The following TMPRSS11A variants were observed in gnomAD, a reference collection of about 807,000 sequenced individuals.
The protein encoded by TMPRSS11A is transmembrane serine protease 11A, also known as transmembrane protease serine 11A.
TMPRSS11A carries 53 observed loss-of-function variants against 58.9 expected under a neutral mutation model. That is an observed-to-expected ratio of 0.90 (90% CI 0.72 to 1.13). The LOEUF is 1.13. Among genes scored for constraint, TMPRSS11A ranks in the 50% most tolerant of loss-of-function variants. The pLI, the probability that TMPRSS11A is intolerant of heterozygous loss-of-function variation, is 0.00. For missense variants in TMPRSS11A, 493 were observed against 499.3 expected, an observed-to-expected ratio of 0.99 and a Z score of 0.12; for synonymous variants, 167 against 169.8, an observed-to-expected ratio of 0.98 and a Z score of 0.13.
chr4:67,934,214 A>G (rs1450295894), intron 3 of TMPRSS11A, among the ~76,000 whole-genome samples: 1 of 152,196 alleles, frequency 6.6e-6, no homozygotes, highest in African/African-American at 2.4e-5. Flanking sequence ...TCTGAGGACA[A>G]CGCTTTGAGA....
chr4:67,911,727 T>C (rs975063407), intron 9 of TMPRSS11A, among the ~76,000 whole-genome samples: 3 of 152,112 alleles, frequency 2.0e-5, no homozygotes, highest in Non-Finnish European at 4.4e-5. Flanking sequence ...AAACAGCACT[T>C]AGTTAAAAAA....
rs1719975875 is a variant in TMPRSS11A, at chr4:67,911,384, C to CA, written c.1214dup (p.Thr406AspfsTer20). On this transcript the variant is annotated frameshift_variant, in exon 10 of 10. Transcript: ENST00000508048. LOFTEE classifies it high-confidence loss of function. ...AAGCAATCCAGTTTCGGTAATAAGT[C>CA]ACTTGTGTGTAGACTCCAGGCTTGT... is the stretch of plus-strand genomic sequence containing the variant. The CA allele has an allele frequency of 6.2e-7, 1 of 1,613,242 alleles. No individual in the cohort carries two copies. Among genetic ancestry groups the CA allele is most frequent in the Non-Finnish European group, 8.5e-7 (1 of 1,179,518 alleles).
Position 67,911,323 on chromosome 4 carries a change from G to C in TMPRSS11A, c.*19C>G, listed in dbSNP as rs114594588. The C allele has an allele frequency of 3.4e-3, 5,498 of 1,611,346 alleles. 127 individuals carry two copies. The African/African-American group carries it at 0.048, about 14-fold the overall frequency. On this transcript the variant is annotated 3_prime_UTR_variant, in exon 10 of 10. Transcript: ENST00000508048. ...ATATGACCTGCATACAGCTTTCTTT[G>C]TTTAACTTTTATCGTGAATTAGATG...
chr4:67,914,619 C>A lies in TMPRSS11A; in HGVS notation c.1064G>T (p.Gly355Val). The A allele has an allele frequency of 6.2e-7, 1 of 1,613,792 alleles. No homozygotes were observed. The highest frequency in any genetic ancestry group is 1.1e-5 in the South Asian group (1 of 91,032). Residue 355 changes from glycine (G) to valine (V), a missense_variant, in exon 9 of 10, where the codon GGA becomes GTA. Coordinates refer to ENST00000508048, the MANE Select transcript of TMPRSS11A (RefSeq NM_001114387.2). ...GGCATCATAAATTCCTTCCATATAT[C>A]CGGCACAGAACATTCCAGGTTTTAT... is the stretch of plus-strand genomic sequence containing the variant. ...NDIKPGMFCA[G>V]YMEGIYDACR...
chr4:67,930,740 T>G (rs926698261), intron 4 of TMPRSS11A, among the ~76,000 whole-genome samples: 2 of 143,556 alleles, frequency 1.4e-5, no homozygotes, highest in African/African-American at 5.1e-5. Context: ...GAAAAGCAAT[T>G]ACAGGTTTTT....
At chr4:67,919,777 A>T (rs754467867) in intron 7 of TMPRSS11A, among the ~76,000 whole-genome samples, 6 of 152,184 alleles carry the variant, frequency 3.9e-5, no homozygotes, top group Non-Finnish European at 8.8e-5. Context: ...GTGTGAGGAG[A>T]TGAGGGAAAC....
intron 1 of TMPRSS11A, 35 bp from the exon 2 acceptor site, chr4:67,946,606 A>G (rs1321570213): frequency 6.3e-7 from 1 of 1,586,790 alleles, no homozygotes; most frequent in Non-Finnish European, 8.6e-7. Flanking sequence ...TTACTCTCAG[A>G]TAGCAATGCT....
chr4:67,930,241 T>C (rs557889122), intron 4 of TMPRSS11A, among the ~76,000 whole-genome samples: 1 of 152,270 alleles, frequency 6.6e-6, no homozygotes, highest in African/African-American at 2.4e-5. Context: ...ATTTCCCCCA[T>C]TAATTTGAAG....
intron 1 of TMPRSS11A, among the ~76,000 whole-genome samples, chr4:67,961,511 T>TTTTTTTTTTC (rs1721427087): frequency 1.4e-5 from 1 of 72,388 alleles, no homozygotes. Flanking sequence ...TTTTTTTTTT[T>TTTTTTTTTTC]TTTTTTTTTT....
chr4:67,961,117 A>G (rs1336704706), intron 1 of TMPRSS11A, among the ~76,000 whole-genome samples: 3 of 152,226 alleles, frequency 2.0e-5, no homozygotes, highest in African/African-American at 7.2e-5. Flanking sequence ...GGGTAACAGA[A>G]CCCATAGAGA....
chr4:67,918,480 T>A (rs543747950), intron 8 of TMPRSS11A, among the ~76,000 whole-genome samples: 94 of 152,342 alleles, frequency 6.2e-4, no homozygotes, highest in Non-Finnish European at 1.0e-3. Flanking sequence ...AGCCACTCAA[T>A]CTGAGTCCTC....
chr4:67,958,905 C>G (rs1229629418), intron 1 of TMPRSS11A, among the ~76,000 whole-genome samples: 1 of 152,194 alleles, frequency 6.6e-6, no homozygotes, highest in Non-Finnish European at 1.5e-5. Context: ...ATAAGTCTCA[C>G]AAAATCTGAT....
At chr4:67,947,597 C>G (rs556089753) in intron 1 of TMPRSS11A, among the ~76,000 whole-genome samples, 1 of 152,132 alleles carries the variant, frequency 6.6e-6, no homozygotes, top group Non-Finnish European at 1.5e-5. Flanking sequence ...ATTCATTTGG[C>G]AAGAATACTT....
At position 67,914,655 on chromosome 4, in the gene TMPRSS11A, T is replaced by C; in HGVS notation, c.1028A>G (p.Tyr343Cys). 1 of 1,613,582 alleles carries C rather than the reference T, an allele frequency of 6.2e-7. No individual in the cohort carries two copies. The highest frequency in any genetic ancestry group is 8.5e-7 in the Non-Finnish European group (1 of 1,179,588). The stretch of plus-strand genomic sequence containing the variant: ...CATTCCAGGTTTTATATCATTGCCA[T>C]ACACCTGTGGTTGCTTGCAGACATC... ...SDDVCKQPQV[Y>C]GNDIKPGMFC... Residue 343 changes from tyrosine (Y) to cysteine (C), a missense_variant, in exon 9 of 10, where the codon TAT (tyrosine) becomes TGT (cysteine). Transcript: ENST00000508048.
At chr4:67,959,141 G>A (rs1721363294) in intron 1 of TMPRSS11A, among the ~76,000 whole-genome samples, 2 of 152,156 alleles carry the variant, frequency 1.3e-5, no homozygotes, top group Non-Finnish European at 2.9e-5. Flanking sequence ...AAATCAAGAA[G>A]AGGATGTTAC....
At chr4:67,922,611 G>A (rs952140338) in intron 7 of TMPRSS11A, 144 bp downstream of exon 7, 81 of 752,240 alleles carry the variant, frequency 1.1e-4, no homozygotes, top group Non-Finnish European at 1.6e-4. Flanking sequence ...GTATGCAAGT[G>A]TAACATTATT....
intron 3 of TMPRSS11A, among the ~76,000 whole-genome samples, chr4:67,940,635 T>G (rs1457577223): frequency 6.6e-6 from 1 of 152,190 alleles, no homozygotes; most frequent in African/African-American, 2.4e-5. Context: ...CTTTCTCTTT[T>G]TTTCTTTGTT....
rs1452588556 is a variant in TMPRSS11A at position 67,951,586 on chromosome 4, ATAT to A, written c.12-5018_12-5016del. Among the ~76,000 whole-genome samples the A allele has an allele frequency of 6.1e-3, 324 of 53,232 alleles. 2 individuals are homozygous for A. Among genetic ancestry groups the A allele is most frequent in the African/African-American group, 0.018 (216 of 12,010 alleles). 34.9% of individuals were successfully genotyped at this position (53,232 alleles called of 152,430 possible). On this transcript the variant is annotated intron_variant, in intron 1 of 9. Transcript: ENST00000508048. ...GCTCCAAGTCTCTTCTTTTGGGGGG[ATAT>A]TTTTTTTTTTTTGCTTTCTTGTACA...
In TMPRSS11A at chr4:67,929,944, G is replaced by A. The variant is rs868386498; in HGVS notation, c.417C>T (p.Ile139=). The change falls in exon 5 of 10, where the codon ATC becomes ATT. Residue 139 remains isoleucine, a synonymous_variant. Transcript: ENST00000508048. ...RAVREKKIQS[I]LNQKIRNLRA... is the part of the protein sequence containing the mutation. ...TTAAATTCCTTATCTTCTGATTTAA[G>A]ATGCTTTGGATTTTCTTCTCTCTTA... 1 of 1,613,826 alleles carries A rather than the reference G, an allele frequency of 6.2e-7. No homozygotes were observed. Among genetic ancestry groups the A allele is most frequent in the Non-Finnish European group, 8.5e-7 (1 of 1,179,806 alleles).
Sources: gnomAD v4.1 joint callset for allele counts (sites outside exome capture counted in the v4.1 genomes callset) on GRCh38, gnomAD v4.1.1 for gene constraint, MANE v1.5 for transcripts, NCBI Gene and HGNC (gene_info 2026-07-23, HGNC 2026-07-21) for gene names.